The following TCF4 variants were observed in gnomAD, a reference collection of about 807,000 sequenced individuals.
The protein encoded by TCF4 is SL3-3 enhancer factor 2.
A neutral mutation model predicts 82.1 loss-of-function variants in TCF4; 3 were observed. The observed-to-expected ratio is 0.04, with a 90% confidence interval of 0.02 to 0.09. TCF4 has a LOEUF of 0.09. Among genes scored for constraint, TCF4 ranks in the 10% least tolerant of loss-of-function variants. TCF4 has a pLI of 1.00. For synonymous variants in TCF4, 276 were observed against 309.6 expected, an observed-to-expected ratio of 0.89 and a Z score of 1.14; for missense variants, 518 against 852.7, an observed-to-expected ratio of 0.61 and a Z score of 4.89.
At chr18:55,384,134 A>G (rs2092346116) in intron 6 of TCF4, 1 of 152,206 alleles carries the variant, frequency 6.6e-6, no homozygotes, top group Non-Finnish European at 1.5e-5. Flanking sequence ...CTCTTCAATT[A>G]TGCTGCCTAG....
chr18:55,536,739 T>G (rs2097119068), intron 3 of TCF4, among the ~76,000 whole-genome samples: 1 of 152,238 alleles, frequency 6.6e-6, no homozygotes, highest in Admixed American at 6.5e-5. Flanking sequence ...GTAAACATTA[T>G]GAGTTTCATT....
intron 6 of TCF4, among the ~76,000 whole-genome samples, chr18:55,387,976 A>C (rs1331913083): frequency 6.6e-6 from 1 of 152,188 alleles, no homozygotes; most frequent in African/African-American, 2.4e-5. Flanking sequence ...TGTGATGACG[A>C]CCAACCTCAA....
At chr18:55,232,732 T>G (rs770713842) in intron 16 of TCF4, 61 bp from the exon 17 acceptor site, 1 of 1,599,192 alleles carries the variant, frequency 6.3e-7, no homozygotes, top group Non-Finnish European at 8.6e-7. Context: ...GCACACCAGA[T>G]TGCAAGGCTG....
intron 8 of TCF4, among the ~76,000 whole-genome samples, chr18:55,308,975 G>A (rs913760948): frequency 6.6e-6 from 1 of 152,180 alleles, no homozygotes; most frequent in African/African-American, 2.4e-5. Flanking sequence ...TTCTGTATCT[G>A]TGCTAATACA....
At chr18:55,232,482 T>G in intron 17 of TCF4, 27 bp downstream of exon 17, 1 of 1,612,298 alleles carries the variant, frequency 6.2e-7, no homozygotes, top group East Asian at 2.2e-5. Context: ...AGGAATTAAA[T>G]GAAGCGACAG....
chr18:55,593,238 G>A (rs1199502149), upstream of TCF4, among the ~76,000 whole-genome samples: 1 of 151,726 alleles, frequency 6.6e-6, no homozygotes, highest in Non-Finnish European at 1.5e-5. Context: ...GTGACCTTGG[G>A]CAAGTTTCAC....
intron 4 of TCF4, 97 bp downstream of exon 4, chr18:55,463,979 A>G (rs11152407): frequency 1.7e-5 from 3 of 176,164 alleles, no homozygotes; most frequent in Non-Finnish European, 3.2e-5. Flanking sequence ...TGTGTGTGTG[A>G]GAGAGAGAGA....
At chr18:55,457,083 G>C (rs2095773180) in intron 5 of TCF4, among the ~76,000 whole-genome samples, 2 of 152,228 alleles carry the variant, frequency 1.3e-5, no homozygotes, top group African/African-American at 2.4e-5. Flanking sequence ...TCAGGTAAAA[G>C]TATATGAATT....
Position 55,226,821 on chromosome 18 carries a change from T to C in TCF4, c.*1214A>G, listed in dbSNP as rs778495184. On this transcript the variant is annotated 3_prime_UTR_variant, in exon 20 of 20. Transcript: ENST00000354452. ...TTGTTTTTTTCCAAAAATCTGACCATGTATTCAGAAACGCCTCACTGCACA... is the reference window on the plus strand; with the variant it reads ...TTGTTTTTTTCCAAAAATCTGACCACGTATTCAGAAACGCCTCACTGCACA... 1.3e-5 allele frequency: 2 copies of C among 152,582 alleles called. No individual in the cohort carries two copies. Among genetic ancestry groups the C allele is most frequent in the Non-Finnish European group, 2.9e-5 (2 of 68,012 alleles). The allele number at this position is 152,582 out of a possible 1,614,324, so 9.5% of individuals were successfully genotyped here.
intron 3 of TCF4, among the ~76,000 whole-genome samples, chr18:55,558,685 C>G (rs1035246805): frequency 6.6e-6 from 1 of 152,070 alleles, no homozygotes; most frequent in African/African-American, 2.4e-5. Flanking sequence ...AATTAAAAAT[C>G]AACTCATTAA....
intron 16 of TCF4, 154 bp downstream of exon 16, chr18:55,234,394 T>C: frequency 9.5e-7 from 1 of 1,047,284 alleles, no homozygotes; most frequent in South Asian, 1.5e-5. Context: ...GGCGAAGTTC[T>C]AAATACTTTG....
At chr18:55,235,985 T>C (rs2049243646) in intron 15 of TCF4, among the ~76,000 whole-genome samples, 1 of 152,198 alleles carries the variant, frequency 6.6e-6, no homozygotes, top group Admixed American at 6.5e-5. Flanking sequence ...ATGTATTAAG[T>C]ATCACCTATA....
chr18:55,315,019 C>T lies in TCF4; in HGVS notation c.549+35340G>A, dbSNP rs77003014. ...AGCTACAATGGAAGCAGCTGGAATT[C>T]AACTCTCCCCACTCTCTCCCACCAA... On this transcript the variant is annotated intron_variant, in intron 8 of 19. Coordinates refer to ENST00000354452, the MANE Select transcript of TCF4 (RefSeq NM_001083962.2). 1.6e-3 allele frequency among the ~76,000 whole-genome samples: 236 copies of T among 152,238 alleles called. 4 individuals are homozygous for T. The East Asian group carries it at 0.04, about 26-fold the overall frequency.
intron 16 of TCF4, 100 bp from the exon 17 acceptor site, chr18:55,232,771 T>A: frequency 4.2e-6 from 6 of 1,443,256 alleles, no homozygotes; most frequent in Non-Finnish European, 5.8e-6. Context: ...TGCTGAACTG[T>A]GATCCTTCTG....
intron 5 of TCF4, among the ~76,000 whole-genome samples, chr18:55,434,546 A>G (rs1232413443): frequency 1.3e-5 from 2 of 150,188 alleles, no homozygotes; most frequent in African/African-American, 4.9e-5. Flanking sequence ...CAGCCTCCCA[A>G]GTAGCTGGGA....
chr18:55,364,087 T>C (rs2086204745), intron 6 of TCF4, among the ~76,000 whole-genome samples: 1 of 152,318 alleles, frequency 6.6e-6, no homozygotes, highest in Non-Finnish European at 1.5e-5. Context: ...TTCACTTTCA[T>C]ATATAGCTAA....
intron 3 of TCF4, among the ~76,000 whole-genome samples, chr18:55,538,026 G>GCACACACACACACA (rs57686777): frequency 2.6e-4 from 34 of 131,574 alleles, no homozygotes; most frequent in Admixed American, 8.3e-4. Flanking sequence ...CTGCGCGCGC[G>GCACACACACACACA]CACACACACA....
intron 6 of TCF4, among the ~76,000 whole-genome samples, chr18:55,354,684 A>G (rs750406401): frequency 3.3e-4 from 50 of 152,174 alleles, no homozygotes; most frequent in Non-Finnish European, 6.2e-4. Context: ...TGGGTGGTAC[A>G]TTTCTAAAAA....
chr18:55,300,936 T>C (rs1218652071), intron 8 of TCF4, among the ~76,000 whole-genome samples: 2 of 152,102 alleles, frequency 1.3e-5, no homozygotes, highest in South Asian at 2.1e-4. Context: ...TCTGGGTTAA[T>C]ACAAGGTCAT....
Sources: gnomAD v4.1 joint callset for allele counts (sites outside exome capture counted in the v4.1 genomes callset) on GRCh38, gnomAD v4.1.1 for gene constraint, MANE v1.5 for transcripts, NCBI Gene and HGNC (gene_info 2026-07-23, HGNC 2026-07-21) for gene names.